ASAP1: variants seen among roughly 807,000 people sequenced by gnomAD.
The protein encoded by ASAP1 is ArfGAP with SH3 domain, ankyrin repeat and PH domain 1, also known as arf-GAP with SH3 domain, ANK repeat and PH domain-containing protein 1.
A neutral mutation model predicts 145.2 loss-of-function variants in ASAP1; 43 were observed. The observed-to-expected ratio is 0.30, with a 90% confidence interval of 0.23 to 0.38. The LOEUF (loss-of-function observed/expected upper bound fraction) is 0.38, where lower values mean the gene tolerates loss of function less well. Ranked by LOEUF, ASAP1 falls within the 10% of genes least tolerant of loss-of-function variation. The probability of loss-of-function intolerance (pLI) is 1.00; values close to 1 mark genes in which losing one functional copy is unlikely to be tolerated. For synonymous variants in ASAP1, 546 were observed against 515.5 expected, an observed-to-expected ratio of 1.06 and a Z score of -0.80; for missense variants, 1,018 against 1,355.3, an observed-to-expected ratio of 0.75 and a Z score of 3.91.
intron 5 of ASAP1, among the ~76,000 whole-genome samples, chr8:130,204,504 G>A (rs1816077955): frequency 6.6e-6 from 1 of 152,156 alleles, no homozygotes; most frequent in Admixed American, 6.5e-5. Context: ...ACATACAGAT[G>A]AGGCAGAGGA....
Position 130,263,615 on chromosome 8 carries a change from T to G in ASAP1, c.187-26621A>C, listed in dbSNP as rs1820073108. Among the ~76,000 whole-genome samples the G allele has an allele frequency of 1.3e-5, 2 of 152,208 alleles. 1 individual carries two copies. The highest frequency in any genetic ancestry group is 4.1e-4 in the South Asian group (2 of 4,834). ...TTAGGGAGCCTAACTGAAATGGTTC[T>G]CTCTGTTATTTTATTTAAGCCTAAA... On this transcript the variant is annotated intron_variant, in intron 3 of 29. Transcript: ENST00000518721.
Position 130,358,151 on chromosome 8 carries a change from G to C in ASAP1, c.60-8C>G. The C allele has an allele frequency of 6.3e-7, 1 of 1,599,978 alleles. No homozygotes were observed. Among genetic ancestry groups the C allele is most frequent in the South Asian group, 1.1e-5 (1 of 90,144 alleles). On this transcript the variant is annotated splice_polypyrimidine_tract_variant and splice_region_variant and intron_variant, in intron 2 of 29. Coordinates refer to ENST00000518721, the MANE Select transcript of ASAP1 (RefSeq NM_018482.4). The surrounding 1 kb of genome is among the most constrained non-coding windows in gnomAD (Gnocchi z 4.1). ...GAGATCTGGTCCGGCATCCTGCCGGGAGGGACGAGACACAAGCGGGGGCGG... is the reference window on the plus strand; with the variant it reads ...GAGATCTGGTCCGGCATCCTGCCGGCAGGGACGAGACACAAGCGGGGGCGG...
At chr8:130,291,678 T>C (rs1821952744) in intron 3 of ASAP1, among the ~76,000 whole-genome samples, 1 of 152,098 alleles carries the variant, frequency 6.6e-6, no homozygotes, top group South Asian at 2.1e-4. Flanking sequence ...TGAATAAATA[T>C]GTTTCATACA....
At chr8:130,370,697 T>C (rs1252576573) in intron 2 of ASAP1, among the ~76,000 whole-genome samples, 2 of 152,200 alleles carry the variant, frequency 1.3e-5, no homozygotes, top group Non-Finnish European at 2.9e-5. Flanking sequence ...GGTATATCCA[T>C]ACAATGGAAT....
At chr8:130,339,404 A>G (rs1825236565) in intron 3 of ASAP1, among the ~76,000 whole-genome samples, 1 of 152,212 alleles carries the variant, frequency 6.6e-6, no homozygotes, top group Admixed American at 6.5e-5. Flanking sequence ...AATTTTAAGA[A>G]TCAGCAAATT....
chr8:130,073,325 G>C (rs1045653599), intron 27 of ASAP1, among the ~76,000 whole-genome samples: 1 of 151,544 alleles, frequency 6.6e-6, no homozygotes, highest in Non-Finnish European at 1.5e-5. Flanking sequence ...GGGAGGCGGA[G>C]GTTGCGGGGA....
chr8:130,364,962 CA>C (rs1223406778), intron 2 of ASAP1, among the ~76,000 whole-genome samples: 1 of 152,058 alleles, frequency 6.6e-6, no homozygotes, highest in Non-Finnish European at 1.5e-5. Context: ...AAATAAAACA[CA>C]AAAAACAAAT....
intron 5 of ASAP1, among the ~76,000 whole-genome samples, chr8:130,193,340 G>C (rs1401299014): frequency 6.6e-6 from 1 of 151,758 alleles, no homozygotes; most frequent in Non-Finnish European, 1.5e-5. Context: ...CTGCACTCCA[G>C]CCTGGGTGAC....
At chr8:130,181,446 A>G (rs140741900) in intron 7 of ASAP1, among the ~76,000 whole-genome samples, 14 of 152,334 alleles carry the variant, frequency 9.2e-5, no homozygotes, top group African/African-American at 3.4e-4. Flanking sequence ...GAATATCGAC[A>G]GCTTGCAAGA....
chr8:130,290,212 ACTTCT>A (rs1821864846), intron 3 of ASAP1, among the ~76,000 whole-genome samples: 1 of 152,178 alleles, frequency 6.6e-6, no homozygotes, highest in Non-Finnish European at 1.5e-5. Flanking sequence ...AGCCCTCTGC[ACTTCT>A]CTTAAGGCTC....
chr8:130,314,179 A>T (rs1240795143), intron 3 of ASAP1, among the ~76,000 whole-genome samples: 1 of 152,164 alleles, frequency 6.6e-6, no homozygotes, highest in Non-Finnish European at 1.5e-5. Context: ...CCCCCCACTT[A>T]CACCCCACAT....
chr8:130,434,853 C>T (rs1405940690), intron 1 of ASAP1, among the ~76,000 whole-genome samples: 1 of 152,130 alleles, frequency 6.6e-6, no homozygotes, highest in African/African-American at 2.4e-5. Context: ...GTCAGCTCCC[C>T]AGTGCCCAAA....
intron 24 of ASAP1, among the ~76,000 whole-genome samples, chr8:130,095,468 T>G (rs2097515555): frequency 6.6e-6 from 1 of 150,524 alleles, no homozygotes. Context: ...GTCTGGCTAA[T>G]TTTTGTATTT....
At chr8:130,133,836 C>T (rs950191593) in intron 15 of ASAP1, among the ~76,000 whole-genome samples, 23 of 152,342 alleles carry the variant, frequency 1.5e-4, no homozygotes, top group Admixed American at 9.1e-4. Flanking sequence ...TCACCTGCTC[C>T]TCTTACAATA....
chr8:130,385,900 T>C (rs961269441), intron 2 of ASAP1, among the ~76,000 whole-genome samples: 1 of 152,216 alleles, frequency 6.6e-6, no homozygotes, highest in South Asian at 2.1e-4. Flanking sequence ...CTTTGGTTCC[T>C]GTGGGTCTCA....
intron 3 of ASAP1, among the ~76,000 whole-genome samples, chr8:130,320,193 T>C (rs1253842871): frequency 1.3e-5 from 2 of 152,208 alleles, no homozygotes; most frequent in Non-Finnish European, 2.9e-5. Flanking sequence ...ATCATGCCTA[T>C]CAAATTCACT....
At chr8:130,077,537 CTTTTTTTTTTT>C (rs58327713) in intron 26 of ASAP1, among the ~76,000 whole-genome samples, 6 of 62,030 alleles carry the variant, frequency 9.7e-5, no homozygotes, top group South Asian at 9.1e-4. Context: ...GCTGCTGCTG[CTTTTTTTTTTT>C]TTTTTTTTTT....
intron 14 of ASAP1, among the ~76,000 whole-genome samples, chr8:130,135,119 G>T (rs1013587429): frequency 6.6e-6 from 1 of 152,184 alleles, no homozygotes; most frequent in Non-Finnish European, 1.5e-5. Flanking sequence ...CATATCCTGA[G>T]CACTTCCTGT....
chr8:130,387,410 C>T (rs1386323402), intron 2 of ASAP1, among the ~76,000 whole-genome samples: 1 of 152,058 alleles, frequency 6.6e-6, no homozygotes, highest in Middle Eastern at 3.2e-3. Context: ...GTGGCGCTCG[C>T]CTGTAATCCC....
Sources: gnomAD v4.1 joint callset for allele counts (sites outside exome capture counted in the v4.1 genomes callset) on GRCh38, gnomAD v4.1.1 for gene constraint, Gnocchi (gnomAD v3.1) non-coding constraint, MANE v1.5 for transcripts, NCBI Gene and HGNC (gene_info 2026-07-23, HGNC 2026-07-21) for gene names.